The following SRGAP2 variants were observed in gnomAD, a reference collection of about 807,000 sequenced individuals.
The protein encoded by SRGAP2 is SLIT-ROBO Rho GTPase activating protein 2, also known as SLIT-ROBO Rho GTPase-activating protein 2.
In SRGAP2, 15 loss-of-function variants were observed where a neutral mutation model predicts 57.2. The observed-to-expected ratio is 0.26, with a 90% CI of 0.18 to 0.40. The LOEUF is 0.40. Among genes scored for constraint, SRGAP2 ranks in the 10% least tolerant of loss-of-function variants. The pLI, the probability that SRGAP2 is intolerant of heterozygous loss-of-function variation, is 1.00. For synonymous variants in SRGAP2, 249 were observed against 248.0 expected (o/e 1.00, Z -0.04); for missense variants, 520 against 669.6 (o/e 0.78, Z 2.47).
chr1:206,361,642 GATAAA>G (rs1676932796), intron 4 of SRGAP2, among the ~76,000 whole-genome samples: 1 of 145,094 alleles, frequency 6.9e-6, no homozygotes, highest in African/African-American at 2.6e-5. Flanking sequence ...CGTGTTGACT[GATAAA>G]ATAGATATTC....
Position 206,322,898 on chromosome 1 carries a change from T to C in SRGAP2, c.260+19425T>C, listed in dbSNP as rs11249379. ...GGCCATGTGCTGCCTGACAACATGG[T>C]GGAGAAGCTGAAAGGCTAGGGAATG... On this transcript the variant is annotated intron_variant, in intron 3 of 22. Coordinates refer to ENST00000573034, the MANE Select transcript of SRGAP2 (RefSeq NM_015326.5). Among the ~76,000 whole-genome samples the C allele has an allele frequency of 3.9e-3, 520 of 132,352 alleles. 1 individual carries two copies. The highest frequency in any genetic ancestry group is 0.012 in the African/African-American group (323 of 27,208). The allele number at this position is 132,352 out of a possible 152,430, so 86.8% of individuals were successfully genotyped here.
intron 3 of SRGAP2, among the ~76,000 whole-genome samples, chr1:206,318,457 C>T (rs1352937621): frequency 8.5e-5 from 13 of 152,178 alleles, no homozygotes; most frequent in South Asian, 2.1e-4. Context: ...CTGTTTTCTC[C>T]GGTAATGCGT....
Position 206,258,096 on chromosome 1 carries a change from C to G in SRGAP2, c.68-45185C>G, listed in dbSNP as rs550312069. 3.3e-3 allele frequency among the ~76,000 whole-genome samples: 509 copies of G among 151,994 alleles called. 1 individual carries two copies. The highest frequency in any genetic ancestry group is 0.012 in the African/African-American group (479 of 41,462). ...TAGTCAGTTGAGGGTGGAGCACATTCTAAGCCATGGGAAGGAATCTGGATT... is the reference window on the plus strand; with the variant it reads ...TAGTCAGTTGAGGGTGGAGCACATTGTAAGCCATGGGAAGGAATCTGGATT... On this transcript the variant is annotated intron_variant, in intron 2 of 22. Transcript: ENST00000573034.
In SRGAP2 at chr1:206,430,239, C is replaced by T; in HGVS notation, c.1555+17C>T. The T allele has an allele frequency of 3.8e-6, 3 of 780,536 alleles. No homozygotes were observed. 48.4% of individuals were successfully genotyped at this position (780,536 alleles called of 1,614,324 possible). A position where few individuals can be genotyped will look rare whatever the true frequency, so the allele number is the denominator to read the frequency against. On this transcript the variant is annotated intron_variant, in intron 14 of 22. Transcript: ENST00000573034. ...GCAGACACGGTAAGCAGGATGACAGCCTTGTCCATATTTGTGCAAAGATTG... is the reference window on the plus strand; with the variant it reads ...GCAGACACGGTAAGCAGGATGACAGTCTTGTCCATATTTGTGCAAAGATTG...
intron 2 of SRGAP2, among the ~76,000 whole-genome samples, chr1:206,249,667 A>G (rs1480659945): frequency 6.6e-6 from 1 of 151,276 alleles, no homozygotes; most frequent in African/African-American, 2.4e-5. Flanking sequence ...GGGGGCAGCA[A>G]ACCACCATGG....
At chr1:206,410,466 T>G (rs921022337) in intron 10 of SRGAP2, among the ~76,000 whole-genome samples, 4 of 152,234 alleles carry the variant, frequency 2.6e-5, no homozygotes, top group African/African-American at 4.8e-5. Flanking sequence ...AAAGTTTCTT[T>G]TCATTCCTGA....
intron 2 of SRGAP2, among the ~76,000 whole-genome samples, chr1:206,291,231 T>G (rs1364610106): frequency 1.3e-5 from 2 of 151,788 alleles, no homozygotes; most frequent in Non-Finnish European, 2.9e-5. Flanking sequence ...ATTAAACACA[T>G]CTAGGTTCAA....
chr1:206,435,321 T>A (rs1553369633), intron 14 of SRGAP2, among the ~76,000 whole-genome samples: 1 of 152,226 alleles, frequency 6.6e-6, no homozygotes, highest in African/African-American at 2.4e-5. Context: ...TCCATTTTGT[T>A]TTCCTAAAAT....
chr1:206,355,979 A>C lies in SRGAP2; in HGVS notation c.423+12971A>C, dbSNP rs1676402160. On this transcript the variant is annotated intron_variant, in intron 4 of 22. Coordinates refer to ENST00000573034, the MANE Select transcript of SRGAP2 (RefSeq NM_015326.5). ...AAAACTCCGACTCAAAAAATAAATA[A>C]ATAAATAAATAAAATAAAAATGCCT... 2.0e-5 allele frequency among the ~76,000 whole-genome samples: 3 copies of C among 150,208 alleles called. No homozygotes were observed. In the South Asian group the frequency reaches 6.4e-4, roughly 32 times the overall value.
At chr1:206,223,004 C>A (rs1667097093) in intron 2 of SRGAP2, among the ~76,000 whole-genome samples, 1 of 151,532 alleles carries the variant, frequency 6.6e-6, no homozygotes, top group Admixed American at 6.6e-5. Flanking sequence ...GAACTCCTGA[C>A]CTCAAGTGAT....
At chr1:206,290,183 A>G (rs1671233893) in intron 2 of SRGAP2, among the ~76,000 whole-genome samples, 1 of 152,064 alleles carries the variant, frequency 6.6e-6, no homozygotes, top group Non-Finnish European at 1.5e-5. Context: ...CTAAGGATAA[A>G]TGTTGTTTCA....
chr1:206,450,415 T>C lies in SRGAP2; in HGVS notation c.2129T>C (p.Val710Ala). 1.3e-6 allele frequency: 1 copy of C among 780,872 alleles called. No individual in the cohort carries two copies. The highest frequency in any genetic ancestry group is 2.4e-6 in the Non-Finnish European group (1 of 417,980). The allele number at this position is 780,872 out of a possible 1,614,324, so 48.4% of individuals were successfully genotyped here. Reference sequence around the variant, plus strand: ...AGCCCTCATGGAGAGACTACCTCGGTTGAAGACTCAACCCAGGATGTGACC... The same window carrying C: ...AGCCCTCATGGAGAGACTACCTCGGCTGAAGACTCAACCCAGGATGTGACC... The part of the protein sequence containing the change: ...CDSPHGETTS[V>A]EDSTQDVTAE... Residue 710 changes from valine (V) to alanine (A), a missense_variant, in exon 19 of 23, where the codon GTT becomes GCT. By Grantham distance (64) the Val-to-Ala change is moderately conservative. This residue lies in a region of SRGAP2 where 478 missense variants were observed against 373.6 expected (regional missense o/e 1.28). Transcript: ENST00000573034.
Position 206,463,669 on chromosome 1 carries a change from C to T in SRGAP2, c.*2249C>T, listed in dbSNP as rs935297445. On this transcript the variant is annotated 3_prime_UTR_variant, in exon 23 of 23. Coordinates refer to ENST00000573034, the MANE Select transcript of SRGAP2 (RefSeq NM_015326.5). The stretch of plus-strand genomic sequence containing the variant: ...GCGCTAATTTGCATCATGAACTGAA[C>T]AGTGTGTGAGTGGTCACCTACTAAA... 2.6e-5 allele frequency: 4 copies of T among 152,642 alleles called. No individual in the cohort carries two copies. Among genetic ancestry groups the T allele is most frequent in the South Asian group, 2.1e-4 (1 of 4,836 alleles). 9.5% of individuals were successfully genotyped at this position (152,642 alleles called of 1,614,324 possible).
chr1:206,395,022 A>C (rs2103111488), intron 7 of SRGAP2, among the ~76,000 whole-genome samples: 5 of 141,056 alleles, frequency 3.5e-5, no homozygotes, highest in South Asian at 2.4e-4. Context: ...GCTTTGCAAA[A>C]CTCTGGCCCG....
At chr1:206,432,877 A>T (rs1038637222) in intron 14 of SRGAP2, among the ~76,000 whole-genome samples, 4 of 152,200 alleles carry the variant, frequency 2.6e-5, no homozygotes, top group African/African-American at 4.8e-5. Flanking sequence ...ACTGTAGAGT[A>T]TGTGTTGTTT....
intron 4 of SRGAP2, among the ~76,000 whole-genome samples, chr1:206,369,574 G>C (rs1317101777): frequency 1.3e-4 from 20 of 152,214 alleles, no homozygotes; most frequent in Non-Finnish European, 7.3e-5. Context: ...GACCAGTCCA[G>C]TTTAAAAATG....
chr1:206,384,366 T>C (rs1180700467), intron 5 of SRGAP2, among the ~76,000 whole-genome samples: 1 of 152,024 alleles, frequency 6.6e-6, no homozygotes, highest in Non-Finnish European at 1.5e-5. Context: ...ATTGGCACAA[T>C]GGACCCTGTT....
In SRGAP2 at chr1:206,461,900, TACAC is replaced by T. The variant is rs3833477; in HGVS notation, c.*506_*509del. The T allele has an allele frequency of 0.087, 13,174 of 151,614 alleles. 870 individuals carry two copies. The highest frequency in any genetic ancestry group is 0.18 in the African/African-American group (7,515 of 40,910). 9.4% of individuals were successfully genotyped at this position (151,614 alleles called of 1,614,324 possible). On this transcript the variant is annotated 3_prime_UTR_variant, in exon 23 of 23. Coordinates refer to ENST00000573034, the MANE Select transcript of SRGAP2 (RefSeq NM_015326.5). Reference sequence around the variant, plus strand: ...ACATATTTTACACACACACACATTTTACACACACACACACACACACACACACACA... The same window carrying T: ...ACATATTTTACACACACACACATTTTACACACACACACACACACACACACA...
At chr1:206,448,796 C>T (rs1421174793) in intron 18 of SRGAP2, among the ~76,000 whole-genome samples, 5 of 152,090 alleles carry the variant, frequency 3.3e-5, no homozygotes, top group Admixed American at 3.3e-4. Context: ...CAAAATTCAT[C>T]AGATTCATCA....
Sources: allele counts gnomAD v4.1 joint callset (sites outside exome capture counted in the v4.1 genomes callset), GRCh38; gene constraint gnomAD v4.1.1; regional missense constraint gnomAD v4.1.1; transcripts MANE v1.5; gene names NCBI Gene and HGNC (gene_info 2026-07-23, HGNC 2026-07-21).